Variants in PGM5 observed in about 807,000 individuals in gnomAD.
PGM5 encodes phosphoglucomutase-like protein 5.
In PGM5, 23 loss-of-function variants were observed where a neutral mutation model predicts 59.2. The observed-to-expected ratio is 0.39, with a 90% CI of 0.28 to 0.55. The LOEUF is 0.55. Ranked by LOEUF, PGM5 falls within the 20% of genes least tolerant of loss-of-function variation. The probability of loss-of-function intolerance (pLI) is 0.66; values close to 1 mark genes in which losing one functional copy is unlikely to be tolerated. For missense variants in PGM5, 574 were observed against 748.3 expected, an observed-to-expected ratio of 0.77 and a Z score of 2.72; for synonymous variants, 214 against 286.0, an observed-to-expected ratio of 0.75 and a Z score of 2.54.
At chr9:68,402,798 A>G (rs1554680781) in intron 6 of PGM5, among the ~76,000 whole-genome samples, 1 of 152,178 alleles carries the variant, frequency 6.6e-6, no homozygotes, top group Non-Finnish European at 1.5e-5. Flanking sequence ...GGAGTGAAAG[A>G]GCATTGCAGT....
intron 9 of PGM5, among the ~76,000 whole-genome samples, chr9:68,494,951 G>T (rs574411500): frequency 1.2e-4 from 18 of 152,330 alleles, no homozygotes; most frequent in African/African-American, 4.1e-4. Context: ...CAGGGGGACT[G>T]CAGTGGTGCT....
chr9:68,414,483 T>A (rs1195877027), intron 6 of PGM5, among the ~76,000 whole-genome samples: 1 of 152,148 alleles, frequency 6.6e-6, no homozygotes, highest in Admixed American at 6.5e-5. Context: ...TGAATGCACA[T>A]GTGCTCCCGC....
intron 10 of PGM5, among the ~76,000 whole-genome samples, chr9:68,525,558 AC>A (rs1461107699): frequency 2.0e-5 from 3 of 152,194 alleles, no homozygotes; most frequent in Admixed American, 6.5e-5. Context: ...TGGTGCTGGG[AC>A]ATTTGGTTTC....
At chr9:68,419,917 G>C (rs749211895) in intron 6 of PGM5, among the ~76,000 whole-genome samples, 30 of 152,114 alleles carry the variant, frequency 2.0e-4, no homozygotes, top group Admixed American at 1.7e-3. Context: ...GTTAAAATCA[G>C]ATTCCCATCA....
At chr9:68,358,476 G>T (rs377044017) in intron 1 of PGM5, among the ~76,000 whole-genome samples, 1 of 152,052 alleles carries the variant, frequency 6.6e-6, no homozygotes, top group Non-Finnish European at 1.5e-5. Flanking sequence ...GGGAAACATC[G>T]TCTAAAAAAG....
Position 68,356,952 on chromosome 9 carries a change from G to A in PGM5, c.-176G>A. ...AGTCAGCCGAGCGGCCGCGCGGAGAGGAGGGGCGGGCGGTCCCCAGGCGGG... is the reference window on the plus strand; with the variant it reads ...AGTCAGCCGAGCGGCCGCGCGGAGAAGAGGGGCGGGCGGTCCCCAGGCGGG... On this transcript the variant is annotated 5_prime_UTR_variant, in exon 1 of 11. Coordinates refer to ENST00000396396, the MANE Select transcript of PGM5 (RefSeq NM_021965.4). 1.9e-6 allele frequency: 1 copy of A among 522,092 alleles called. No individual in the cohort carries two copies. Among genetic ancestry groups the A allele is most frequent in the African/African-American group, 2.0e-5 (1 of 49,732 alleles). 32.3% of individuals were successfully genotyped at this position (522,092 alleles called of 1,614,324 possible).
intron 6 of PGM5, among the ~76,000 whole-genome samples, chr9:68,393,213 G>A (rs263800): frequency 0.012 from 1,898 of 152,052 alleles, 54 homozygotes; most frequent in African/African-American, 0.044. Flanking sequence ...ACACAAATAA[G>A]AGAATGTAAA....
intron 6 of PGM5, among the ~76,000 whole-genome samples, chr9:68,446,756 T>G (rs922675016): frequency 1.2e-4 from 19 of 152,228 alleles, no homozygotes; most frequent in African/African-American, 4.6e-4. Flanking sequence ...TAAAAGTGTT[T>G]ATTCTCTAGA....
chr9:68,413,257 G>T (rs1200703178), intron 6 of PGM5, among the ~76,000 whole-genome samples: 1 of 151,844 alleles, frequency 6.6e-6, no homozygotes, highest in Non-Finnish European at 1.5e-5. Context: ...TTCCATTCAG[G>T]GCCTCAATTA....
intron 10 of PGM5, among the ~76,000 whole-genome samples, chr9:68,522,334 A>G (rs1030337682): frequency 6.6e-6 from 1 of 152,136 alleles, no homozygotes; most frequent in African/African-American, 2.4e-5. Flanking sequence ...TAAGGAAACA[A>G]TGGGGATGAG....
chr9:68,431,645 T>C (rs1823351222), intron 6 of PGM5, among the ~76,000 whole-genome samples: 1 of 152,168 alleles, frequency 6.6e-6, no homozygotes, highest in Non-Finnish European at 1.5e-5. Flanking sequence ...ATCACAGTCT[T>C]CTTCTAGAAT....
intron 6 of PGM5, among the ~76,000 whole-genome samples, chr9:68,403,437 A>G (rs1340788612): frequency 6.6e-6 from 1 of 152,144 alleles, no homozygotes; most frequent in African/African-American, 2.4e-5. Context: ...TCATCCCCAA[A>G]TCATCCTCCT....
At chr9:68,363,776 C>A (rs71225354) in intron 1 of PGM5, among the ~76,000 whole-genome samples, 3 of 152,380 alleles carry the variant, frequency 2.0e-5, no homozygotes, top group African/African-American at 7.2e-5. Context: ...AGGGCAGATG[C>A]GTTAGCCTCT....
chr9:68,369,136 G>A (rs571042334), intron 1 of PGM5, among the ~76,000 whole-genome samples: 2 of 152,178 alleles, frequency 1.3e-5, no homozygotes, highest in Admixed American at 1.3e-4. Flanking sequence ...TGACTCAAGG[G>A]CAAGTGAAAC....
intron 10 of PGM5, among the ~76,000 whole-genome samples, chr9:68,508,694 G>T (rs529851169): frequency 6.6e-6 from 1 of 152,316 alleles, no homozygotes; most frequent in African/African-American, 2.4e-5. Flanking sequence ...AGAGGTCACT[G>T]GTCATCACTT....
chr9:68,441,498 A>G (rs1823528260), intron 6 of PGM5, among the ~76,000 whole-genome samples: 1 of 152,178 alleles, frequency 6.6e-6, no homozygotes, highest in Non-Finnish European at 1.5e-5. Flanking sequence ...CTACTTTATT[A>G]GCAGTTTAAG....
At chr9:68,500,131 A>G (rs1554688513) in intron 10 of PGM5, among the ~76,000 whole-genome samples, 6 of 152,114 alleles carry the variant, frequency 3.9e-5, no homozygotes. Context: ...AGATGAAAAC[A>G]TTGGTTCTAC....
chr9:68,496,185 C>T (rs1489216305), intron 9 of PGM5, among the ~76,000 whole-genome samples: 1 of 152,170 alleles, frequency 6.6e-6, no homozygotes, highest in Non-Finnish European at 1.5e-5. Flanking sequence ...CTTTGCAAGT[C>T]TTGGTCAGTG....
chr9:68,376,853 C>T lies in PGM5; in HGVS notation c.262-1346C>T, dbSNP rs1366356733. Among the ~76,000 whole-genome samples the T allele has an allele frequency of 2.0e-3, 170 of 86,678 alleles. 11 individuals carry two copies. Among genetic ancestry groups the T allele is most frequent in the African/African-American group, 7.1e-3 (164 of 23,182 alleles). The allele number at this position is 86,678 out of a possible 152,430, so 56.9% of individuals were successfully genotyped here. On this transcript the variant is annotated intron_variant, in intron 1 of 10. Transcript: ENST00000396396. ...TCTTTCTCTTTCTTTCTTTCTTTCT[C>T]TTTCTTTCTTTTTTCTTTCTCTTTC...
Sources: gnomAD v4.1 joint callset for allele counts (sites outside exome capture counted in the v4.1 genomes callset) on GRCh38, gnomAD v4.1.1 for gene constraint, MANE v1.5 for transcripts, NCBI Gene and HGNC (gene_info 2026-07-23, HGNC 2026-07-21) for gene names.